MAP2K4: variants seen among roughly 807,000 people sequenced by gnomAD.
MAP2K4 encodes the protein mitogen-activated protein kinase kinase 4.
A neutral mutation model predicts 48.5 loss-of-function variants in MAP2K4; 4 were observed. The ratio of observed to expected loss-of-function variants is 0.08; its 90% CI spans 0.04 to 0.19. MAP2K4 has a LOEUF of 0.19. Ranked by LOEUF, MAP2K4 falls within the 10% of genes least tolerant of loss-of-function variation. MAP2K4 has a pLI of 1.00. For synonymous variants in MAP2K4, 166 were observed against 173.1 expected, an observed-to-expected ratio of 0.96 and a Z score of 0.32; for missense variants, 258 against 493.3, an observed-to-expected ratio of 0.52 and a Z score of 4.52.
At chr17:12,109,476 G>A (rs934657639) in intron 5 of MAP2K4, among the ~76,000 whole-genome samples, 7 of 152,288 alleles carry the variant, frequency 4.6e-5, no homozygotes, top group Middle Eastern at 3.4e-3. Context: ...GCAGCTTGAC[G>A]TCAGCAAAGA....
chr17:12,071,010 G>A lies in MAP2K4; in HGVS notation c.219-10346G>A, dbSNP rs116879778. ...GGATCCCCCCTTTCTTTCAGCTTCT[G>A]GTACTGCTGCTCTTCCTTGGCTTGT... On this transcript the variant is annotated intron_variant, in intron 2 of 10. Transcript: ENST00000353533. Among the ~76,000 whole-genome samples, 1,452 of 152,284 alleles carry A rather than the reference G, an allele frequency of 9.5e-3. 13 individuals carry two copies. The highest frequency in any genetic ancestry group is 0.014 in the South Asian group (69 of 4,828).
intron 1 of MAP2K4, among the ~76,000 whole-genome samples, chr17:12,031,853 G>A (rs1292882046): frequency 1.3e-5 from 2 of 152,120 alleles, no homozygotes; most frequent in East Asian, 1.9e-4. Flanking sequence ...TTGCATCATA[G>A]ATGGTAATTA....
intron 1 of MAP2K4, among the ~76,000 whole-genome samples, chr17:12,044,055 G>T (rs1011805328): frequency 1.3e-5 from 2 of 152,120 alleles, no homozygotes; most frequent in African/African-American, 2.4e-5. Context: ...ATGGTTGAAA[G>T]GGCCACATTA....
At chr17:12,112,559 T>G (rs1351091709) in intron 6 of MAP2K4, among the ~76,000 whole-genome samples, 1 of 152,074 alleles carries the variant, frequency 6.6e-6, no homozygotes, top group Non-Finnish European at 1.5e-5. Context: ...TTTACTGAAT[T>G]TTTTTGTGGA....
chr17:12,143,295 C>CT lies in MAP2K4; in HGVS notation c.*2036dup. On this transcript the variant is annotated 3_prime_UTR_variant, in exon 11 of 11. Transcript: ENST00000353533. The stretch of plus-strand genomic sequence containing the variant: ...CAATTCTGACTGTCCAGGAGCTAAT[C>CT]TGACCGTTCTATTGTGTGGATGACC... 1.3e-5 allele frequency: 3 copies of CT among 232,948 alleles called. No individual in the cohort carries two copies. The Admixed American group carries it at 1.7e-4, about 13-fold the overall frequency. The allele number at this position is 232,948 out of a possible 1,614,324, so 14.4% of individuals were successfully genotyped here. A position where few individuals can be genotyped will look rare whatever the true frequency, so the allele number is the denominator to read the frequency against.
chr17:12,032,293 C>A, intron 1 of MAP2K4: 1 of 1,392,592 alleles, frequency 7.2e-7, no homozygotes, highest in Non-Finnish European at 9.4e-7. Flanking sequence ...TGTGAAAAGG[C>A]ACAAAGTAAG....
chr17:12,139,785 ATACT>A (rs1398317728), intron 9 of MAP2K4, 50 bp from the exon 10 acceptor site: 1 of 1,273,482 alleles, frequency 7.9e-7, no homozygotes, highest in Non-Finnish European at 1.1e-6. Flanking sequence ...GAAAAGAAAA[ATACT>A]TAGGCAAATG....
At chr17:12,119,539 A>C (rs965973024) in intron 7 of MAP2K4, among the ~76,000 whole-genome samples, 2 of 152,206 alleles carry the variant, frequency 1.3e-5, no homozygotes, top group Non-Finnish European at 2.9e-5. Flanking sequence ...CTGTTGGTGG[A>C]AATGTAAATT....
rs1213013577 is a variant in MAP2K4 at position 12,143,544 on chromosome 17, T to G, written c.*2284T>G. The G allele has an allele frequency of 4.3e-6, 1 of 231,224 alleles. No homozygotes were observed. Among genetic ancestry groups the G allele is most frequent in the Non-Finnish European group, 8.6e-6 (1 of 116,686 alleles). The allele number at this position is 231,224 out of a possible 1,614,324, so 14.3% of individuals were successfully genotyped here. ...TCAAAAAGCTAATGTGCAGGGATAT[T>G]GCCTTATTTGTCTGTAAAAAATGGA... is the stretch of plus-strand genomic sequence containing the variant. On this transcript the variant is annotated 3_prime_UTR_variant, in exon 11 of 11. Transcript: ENST00000353533.
intron 4 of MAP2K4, among the ~76,000 whole-genome samples, chr17:12,105,768 A>C (rs1567662742): frequency 6.6e-6 from 1 of 152,058 alleles, no homozygotes; most frequent in African/African-American, 2.4e-5. Context: ...GTTCCTTAAA[A>C]ATCACAAAGA....
At chr17:12,046,759 T>C (rs2151520227) in intron 1 of MAP2K4, among the ~76,000 whole-genome samples, 1 of 152,308 alleles carries the variant, frequency 6.6e-6, no homozygotes, top group East Asian at 1.9e-4. Flanking sequence ...AAAAGGAATT[T>C]AGGGTGTTTT....
At chr17:12,031,183 G>T (rs1238171741) in intron 1 of MAP2K4, among the ~76,000 whole-genome samples, 1 of 152,290 alleles carries the variant, frequency 6.6e-6, no homozygotes, top group East Asian at 1.9e-4. Context: ...TCTATGATAA[G>T]GTAGTCAGCA....
In MAP2K4 at chr17:12,067,586, G is replaced by C. The variant is rs565177829; in HGVS notation, c.218+12595G>C. Among the ~76,000 whole-genome samples the C allele has an allele frequency of 3.9e-5, 6 of 152,286 alleles. No homozygotes were observed. The South Asian group carries it at 1.2e-3, about 32-fold the overall frequency. ...CCTGACTGAGGAGCTGCAGAAGTCA[G>C]ATATAAGAGGTGTATTCCTTGGGGT... On this transcript the variant is annotated intron_variant, in intron 2 of 10. Coordinates refer to ENST00000353533, the MANE Select transcript of MAP2K4 (RefSeq NM_003010.4).
At position 12,142,473 on chromosome 17, in the gene MAP2K4, C is replaced by G. The variant is rs1597512604; in HGVS notation, c.*1213C>G. ...TTACAGTTAGCAGGGATGTTCCTTA[C>G]CAAGGATTTTTAGCCCCAAATCTCT... On this transcript the variant is annotated 3_prime_UTR_variant, in exon 11 of 11. Coordinates refer to ENST00000353533, the MANE Select transcript of MAP2K4 (RefSeq NM_003010.4). The G allele has an allele frequency of 5.6e-5, 13 of 232,932 alleles. No individual in the cohort carries two copies. In the East Asian group the frequency reaches 7.9e-4, roughly 14 times the overall value. 14.4% of individuals were successfully genotyped at this position (232,932 alleles called of 1,614,324 possible).
intron 3 of MAP2K4, among the ~76,000 whole-genome samples, chr17:12,082,612 T>C (rs1400326574): frequency 1.3e-5 from 2 of 152,138 alleles, no homozygotes; most frequent in African/African-American, 4.8e-5. Flanking sequence ...CAAACCTTAC[T>C]GTAACTATTT....
chr17:12,136,636 T>C (rs944877595), intron 9 of MAP2K4, among the ~76,000 whole-genome samples: 4 of 151,410 alleles, frequency 2.6e-5, no homozygotes, highest in African/African-American at 9.7e-5. Flanking sequence ...ATATAATTAT[T>C]GATAACATTA....
intron 9 of MAP2K4, among the ~76,000 whole-genome samples, chr17:12,131,426 T>A (rs569426707): frequency 6.6e-6 from 1 of 151,956 alleles, no homozygotes; most frequent in African/African-American, 2.4e-5. Context: ...TTTTTTTTTT[T>A]AAGTAGAGAC....
Position 12,070,169 on chromosome 17 carries a change from G to A in MAP2K4, c.219-11187G>A, listed in dbSNP as rs368952349. ...CTTCAAACTAATTAAATAATAAAAG[G>A]TTCTTACGGATAGTGGTTCTAGGCA... On this transcript the variant is annotated intron_variant, in intron 2 of 10. Transcript: ENST00000353533. Among the ~76,000 whole-genome samples the A allele has an allele frequency of 4.0e-5, 6 of 151,328 alleles. No homozygotes were observed. In the South Asian group the frequency reaches 1.3e-3, roughly 32 times the overall value.
At chr17:12,103,102 T>A (rs1266348233) in intron 4 of MAP2K4, among the ~76,000 whole-genome samples, 1 of 149,680 alleles carries the variant, frequency 6.7e-6, no homozygotes, top group Admixed American at 6.7e-5. Flanking sequence ...TGCAGTGGCA[T>A]CATCCTAGCT....
Sources: allele counts gnomAD v4.1 joint callset (sites outside exome capture counted in the v4.1 genomes callset), GRCh38; gene constraint gnomAD v4.1.1; transcripts MANE v1.5; gene names NCBI Gene and HGNC (gene_info 2026-07-23, HGNC 2026-07-21).